FBXW7: variants seen among roughly 807,000 people sequenced by gnomAD.
The protein encoded by FBXW7 is F-box/WD repeat-containing protein 7.
A neutral mutation model predicts 86.3 loss-of-function variants in FBXW7; 11 were observed. The ratio of observed to expected loss-of-function variants is 0.13; its 90% CI spans 0.08 to 0.21. The LOEUF is 0.21. Ranked by LOEUF, FBXW7 falls within the 10% of genes least tolerant of loss-of-function variation. The pLI, the probability that FBXW7 is intolerant of heterozygous loss-of-function variation, is 1.00. For missense variants in FBXW7, 488 were observed against 847.4 expected (o/e 0.58, Z 5.27); for synonymous variants, 313 against 297.9 (o/e 1.05, Z -0.52).
At chr4:152,458,919 CA>C (rs1358230396) in intron 2 of FBXW7, among the ~76,000 whole-genome samples, 5 of 152,142 alleles carry the variant, frequency 3.3e-5, no homozygotes, top group Non-Finnish European at 5.9e-5. Flanking sequence ...ATAAACAATT[CA>C]ATTTTTTCCA....
chr4:152,393,632 A>G (rs1736176156), intron 4 of FBXW7, among the ~76,000 whole-genome samples: 1 of 152,186 alleles, frequency 6.6e-6, no homozygotes, highest in African/African-American at 2.4e-5. Context: ...TTATATTAAT[A>G]GAACCAACAT....
intron 4 of FBXW7, among the ~76,000 whole-genome samples, chr4:152,384,411 T>G (rs191606330): frequency 6.6e-6 from 1 of 152,178 alleles, no homozygotes; most frequent in East Asian, 1.9e-4. Context: ...CTATACTAAG[T>G]AAAATAAGTC....
chr4:152,407,349 A>C (rs13125043), intron 4 of FBXW7, among the ~76,000 whole-genome samples: 11,259 of 152,210 alleles, frequency 0.074, 537 homozygotes, highest in Non-Finnish European at 0.11. Flanking sequence ...CATGTTTACT[A>C]GTGGATGTTA....
At chr4:152,469,956 C>A (rs978303573) in intron 2 of FBXW7, among the ~76,000 whole-genome samples, 6 of 151,910 alleles carry the variant, frequency 3.9e-5, no homozygotes, top group African/African-American at 1.4e-4. Flanking sequence ...ATTTAGATAG[C>A]CTTTTTAAAA....
intron 4 of FBXW7, among the ~76,000 whole-genome samples, chr4:152,387,772 A>C (rs1215551867): frequency 7.7e-6 from 1 of 129,786 alleles, no homozygotes; most frequent in Non-Finnish European, 1.5e-5. Context: ...GCAGTGGTGT[A>C]ATGTCGGCTC....
At chr4:152,419,096 C>T (rs2126908276) in intron 2 of FBXW7, among the ~76,000 whole-genome samples, 1 of 152,140 alleles carries the variant, frequency 6.6e-6, no homozygotes, top group Admixed American at 6.5e-5. Flanking sequence ...CTAAATTATA[C>T]TTTTATTCAT....
intron 10 of FBXW7, among the ~76,000 whole-genome samples, chr4:152,329,320 G>A (rs1366180435): frequency 6.6e-6 from 1 of 151,776 alleles, no homozygotes; most frequent in Non-Finnish European, 1.5e-5. Context: ...CCATACTTTT[G>A]AAAAACATTA....
intron 2 of FBXW7, among the ~76,000 whole-genome samples, chr4:152,492,294 C>T (rs773482816): frequency 6.6e-6 from 1 of 152,124 alleles, no homozygotes; most frequent in Non-Finnish European, 1.5e-5. Context: ...ATCCTATTGA[C>T]ATTTGGGCTG....
At chr4:152,451,787 A>T (rs144641368) in intron 2 of FBXW7, 1 of 151,908 alleles carries the variant, frequency 6.6e-6, no homozygotes, top group Non-Finnish European at 1.5e-5. Flanking sequence ...CTGTCTCAAA[A>T]AAAAAAAAGA....
chr4:152,478,879 T>C (rs79232143), intron 2 of FBXW7, among the ~76,000 whole-genome samples: 2,084 of 152,294 alleles, frequency 0.014, 26 homozygotes, highest in Middle Eastern at 0.037. Flanking sequence ...TCAAGTCCTT[T>C]ACCCATTTTT....
rs1001859184 is a variant in FBXW7, at chr4:152,433,828, GA to G, written c.-119-21300del. On this transcript the variant is annotated intron_variant, in intron 2 of 13. Transcript: ENST00000281708. Reference sequence around the variant, plus strand: ...CACTATGCTTTCTAGTTCACAATCTGAAAAAAAAATGATTGACTATTTTCTA... The same window carrying G: ...CACTATGCTTTCTAGTTCACAATCTGAAAAAAAATGATTGACTATTTTCTA... 3.7e-4 allele frequency among the ~76,000 whole-genome samples: 55 copies of G among 149,466 alleles called. 1 individual carries two copies. The highest frequency in any genetic ancestry group is 1.1e-3 in the Admixed American group (17 of 15,052).
At position 152,332,652 on chromosome 4, in the gene FBXW7, T is replaced by C; in HGVS notation, c.929A>G (p.Tyr310Cys). 2 of 1,607,174 alleles carry C rather than the reference T, an allele frequency of 1.2e-6. No individual in the cohort carries two copies. Among genetic ancestry groups the C allele is most frequent in the Non-Finnish European group, 1.7e-6 (2 of 1,175,564 alleles). ...GTTGTCTTCAGCCAAAATTCTCCAG[T>C]AGCGACATGTCTGAGCTGCTTGTAG... ...DLLQAAQTCR[Y>C]WRILAEDNLL... Residue 310 changes from tyrosine to cysteine, a missense_variant, in exon 8 of 14, where the codon TAC becomes TGC. Physicochemically the swap from Tyr to Cys is radical, Grantham distance 194. Transcript: ENST00000281708.
At chr4:152,519,260 T>C (rs1560993949) in intron 2 of FBXW7, among the ~76,000 whole-genome samples, 1 of 151,970 alleles carries the variant, frequency 6.6e-6, no homozygotes, top group Non-Finnish European at 1.5e-5. Context: ...ATCACACCAC[T>C]GCACTCCAGC....
At chr4:152,468,522 C>T (rs1224263244) in intron 2 of FBXW7, among the ~76,000 whole-genome samples, 1 of 152,086 alleles carries the variant, frequency 6.6e-6, no homozygotes, top group African/African-American at 2.4e-5. Context: ...TTTTATGATT[C>T]TGTTTTTATA....
chr4:152,516,370 T>C (rs1748498043), intron 2 of FBXW7, among the ~76,000 whole-genome samples: 1 of 152,186 alleles, frequency 6.6e-6, no homozygotes, highest in Non-Finnish European at 1.5e-5. Flanking sequence ...TTGTGAACTG[T>C]GCATGCAAGG....
chr4:152,388,179 T>C (rs939259908), intron 4 of FBXW7, among the ~76,000 whole-genome samples: 7 of 152,302 alleles, frequency 4.6e-5, no homozygotes, highest in African/African-American at 1.7e-4. Context: ...AGATTACAAC[T>C]TCCAATTATA....
intron 9 of FBXW7, 41 bp downstream of exon 9, chr4:152,330,691 C>G (rs367801652): frequency 6.3e-7 from 1 of 1,592,478 alleles, no homozygotes; most frequent in Non-Finnish European, 8.5e-7. Context: ...GGTACTAACA[C>G]TGATTAACGG....
At chr4:152,518,135 C>T (rs185866066) in intron 2 of FBXW7, among the ~76,000 whole-genome samples, 41 of 152,076 alleles carry the variant, frequency 2.7e-4, no homozygotes, top group Non-Finnish European at 2.9e-4. Context: ...ATTACAGGCA[C>T]GCACCACCAC....
At chr4:152,411,250 TTAAAA>T in intron 4 of FBXW7, 48 bp downstream of exon 4, 1 of 1,493,230 alleles carries the variant, frequency 6.7e-7, no homozygotes, top group Non-Finnish European at 8.9e-7. Flanking sequence ...TTCATTACAA[TTAAAA>T]TAGATATGTA....
Sources: allele counts gnomAD v4.1 joint callset (sites outside exome capture counted in the v4.1 genomes callset), GRCh38; gene constraint gnomAD v4.1.1; transcripts MANE v1.5; gene names NCBI Gene and HGNC (gene_info 2026-07-23, HGNC 2026-07-21).